ZNF585A: variants seen among roughly 807,000 people sequenced by gnomAD.
The protein encoded by ZNF585A is zinc finger protein 585A.
In ZNF585A, 9 loss-of-function variants were observed where a neutral mutation model predicts 14.9. The ratio of observed to expected loss-of-function variants is 0.60; its 90% CI spans 0.36 to 1.05. ZNF585A has a LOEUF of 1.05. Among genes scored for constraint, ZNF585A ranks in the 50% least tolerant of loss-of-function variants. The pLI is 0.01. For missense variants in ZNF585A, 726 were observed against 926.4 expected (o/e 0.78, Z 2.81); for synonymous variants, 276 against 319.9 (o/e 0.86, Z 1.46).
chr19:37,160,068 C>T (rs1971990064), intron 2 of ZNF585A, among the ~76,000 whole-genome samples: 1 of 152,092 alleles, frequency 6.6e-6, no homozygotes, highest in South Asian at 2.1e-4. Flanking sequence ...CATGGTGGCT[C>T]ACTCCTATAA....
rs775555822 is a variant in ZNF585A, at chr19:37,152,302, G to T, written c.1597C>A (p.Gln533Lys). 5.6e-6 allele frequency: 9 copies of T among 1,613,980 alleles called. No homozygotes were observed. In the South Asian group the frequency reaches 9.9e-5, roughly 18 times the overall value. Residue 533 changes from glutamine (Q) to lysine (K), a missense_variant, in exon 5 of 5, where the codon CAG becomes AAG. This residue lies in a region of ZNF585A where 243 missense variants were observed against 383.6 expected (regional missense o/e 0.63). Coordinates refer to ENST00000292841, the MANE Select transcript of ZNF585A (RefSeq NM_001288800.2). ...ECNTCGKAFT[Q>K]KSHLNIHQKI... ...TGATGTATATTGAGGTGTGACTTCT[G>T]AGTGAAGGCTTTTCCACAAGTATTG...
Position 37,147,767 on chromosome 19 carries a change from T to C in ZNF585A, c.*3822A>G, listed in dbSNP as rs993012147. ...TCTAGTTTTTACACTTATAAATCTTTTATCAAATGTAATTCAAGTTATCAC... is the reference window on the plus strand; with the variant it reads ...TCTAGTTTTTACACTTATAAATCTTCTATCAAATGTAATTCAAGTTATCAC... On this transcript the variant is annotated 3_prime_UTR_variant, in exon 5 of 5. Transcript: ENST00000292841. 2 of 152,212 alleles carry C rather than the reference T, an allele frequency of 1.3e-5. No individual in the cohort carries two copies. The highest frequency in any genetic ancestry group is 4.8e-5 in the African/African-American group (2 of 41,462). 9.4% of individuals were successfully genotyped at this position (152,212 alleles called of 1,614,324 possible). A position where few individuals can be genotyped will look rare whatever the true frequency, so the allele number is the denominator to read the frequency against.
rs1972200077 is a variant in ZNF585A at position 37,172,653 on chromosome 19, T to C, written c.-171A>G. On this transcript the variant is annotated 5_prime_UTR_variant, in exon 1 of 5. Coordinates refer to ENST00000292841, the MANE Select transcript of ZNF585A (RefSeq NM_001288800.2). ...TCAAAGATTTATCGGTATTGGAATA[T>C]GAAAATACTCCTGACACCAGCGGCA... 2 of 152,218 alleles carry C rather than the reference T, an allele frequency of 1.3e-5. No homozygotes were observed. Among genetic ancestry groups the C allele is most frequent in the African/African-American group, 2.4e-5 (1 of 41,452 alleles). The allele number at this position is 152,218 out of a possible 1,614,324, so 9.4% of individuals were successfully genotyped here.
In ZNF585A at chr19:37,156,342, A is replaced by C; in HGVS notation, c.86T>G (p.Phe29Cys). 6.2e-7 allele frequency: 1 copy of C among 1,614,156 alleles called. No individual in the cohort carries two copies. The highest frequency in any genetic ancestry group is 8.5e-7 in the Non-Finnish European group (1 of 1,180,020). The change falls in exon 3 of 5, where the codon TTC (phenylalanine) becomes TGC (cysteine). Residue 29 changes from phenylalanine to cysteine, a missense_variant. Phe to Cys is a radical substitution (Grantham distance 205). This residue lies in a region of ZNF585A where 483 missense variants were observed against 542.8 expected (regional missense o/e 0.89). Transcript: ENST00000292841. ...HGSSYEGSVS[F>C]RDVAIDFSRE... ...GCTGAAATCGATAGCCACATCCCTGAAGGACACTGATCCCTGTAAGGGCAA... is the reference window on the plus strand; with the variant it reads ...GCTGAAATCGATAGCCACATCCCTGCAGGACACTGATCCCTGTAAGGGCAA...
chr19:37,164,939 C>T (rs1972064236), intron 2 of ZNF585A, among the ~76,000 whole-genome samples: 1 of 152,120 alleles, frequency 6.6e-6, no homozygotes, highest in African/African-American at 2.4e-5. Flanking sequence ...TCCCAAAGTG[C>T]TGGAATTACA....
Position 37,152,527 on chromosome 19 carries a change from G to A in ZNF585A, c.1372C>T (p.Arg458Ter), listed in dbSNP as rs765678847. 11 of 1,613,930 alleles carry A rather than the reference G, an allele frequency of 6.8e-6. No individual in the cohort carries two copies. The highest frequency in any genetic ancestry group is 1.7e-5 in the Admixed American group (1 of 59,984). ...TSKSQLHVHK[R>*]IHTGEKPYMC... ...TAGGGCTTTTCTCCTGTGTGAATTCGTTTATGAACATGGAGTTGCGACTTG... is the reference window on the plus strand; with the variant it reads ...TAGGGCTTTTCTCCTGTGTGAATTCATTTATGAACATGGAGTTGCGACTTG... Residue 458 changes from arginine (R) to a stop codon, truncating the protein, a stop_gained, in exon 5 of 5, where the codon CGA (arginine) becomes TGA (stop). Transcript: ENST00000292841. LOFTEE classifies it low-confidence loss of function (END_TRUNC).
rs529134578 is a variant in ZNF585A, at chr19:37,151,965, C to T, written c.1934G>A (p.Gly645Asp). ...CTGGTGCTTACTGAGATTTGACCTG[C>T]CACTAAAGGCCTTCCCGCACTCGGC... ...VCAECGKAFS[G>D]RSNLSKHQKT... Residue 645 changes from glycine to aspartate, a missense_variant, in exon 5 of 5, where the codon GGC becomes GAC. Transcript: ENST00000292841. 9.9e-6 allele frequency: 16 copies of T among 1,613,434 alleles called. No individual in the cohort carries two copies. The Admixed American group carries it at 2.3e-4, about 24-fold the overall frequency.
At chr19:37,170,276 G>A (rs189118968) in intron 1 of ZNF585A, among the ~76,000 whole-genome samples, 1 of 152,272 alleles carries the variant, frequency 6.6e-6, no homozygotes, top group East Asian at 1.9e-4. Flanking sequence ...AACCCAAAAA[G>A]TTTCGTTTCT....
chr19:37,155,879 C>G lies in ZNF585A; in HGVS notation c.278G>C (p.Arg93Pro), dbSNP rs374585649. The change falls in exon 4 of 5, where the codon CGT becomes CCT. Residue 93 changes from arginine (R) to proline (P), a missense_variant. Coordinates refer to ENST00000292841, the MANE Select transcript of ZNF585A (RefSeq NM_001288800.2). ...EPWALQGERPRQSCPGEKLWD... is the reference protein window; with the variant it reads ...EPWALQGERPPQSCPGEKLWD... ...GCTTCACTCACCTGGGCAGCTCTGACGTGGCCTCTCACCCTGCAGTGCCCA... is the reference window on the plus strand; with the variant it reads ...GCTTCACTCACCTGGGCAGCTCTGAGGTGGCCTCTCACCCTGCAGTGCCCA... 6 of 1,612,142 alleles carry G rather than the reference C, an allele frequency of 3.7e-6. No individual in the cohort carries two copies. The highest frequency in any genetic ancestry group is 5.1e-6 in the Non-Finnish European group (6 of 1,180,002).
intron 2 of ZNF585A, among the ~76,000 whole-genome samples, chr19:37,159,723 A>G (rs1027437281): frequency 1.3e-5 from 2 of 152,242 alleles, no homozygotes; most frequent in Non-Finnish European, 2.9e-5. Flanking sequence ...GAATCAAACA[A>G]AAATTAATAA....
chr19:37,164,362 C>A (rs1972055907), intron 2 of ZNF585A, among the ~76,000 whole-genome samples: 1 of 151,698 alleles, frequency 6.6e-6, no homozygotes, highest in Non-Finnish European at 1.5e-5. Flanking sequence ...GAGATTGCAC[C>A]ACTGCACTCC....
chr19:37,171,902 C>CA (rs35616540), intron 1 of ZNF585A, among the ~76,000 whole-genome samples: 5,283 of 132,564 alleles, frequency 0.04, 162 homozygotes, highest in African/African-American at 0.083. Flanking sequence ...GACTCCATCT[C>CA]AAAAAAAAAA....
At chr19:37,156,893 TG>T (rs1971940235) in intron 2 of ZNF585A, among the ~76,000 whole-genome samples, 1 of 152,192 alleles carries the variant, frequency 6.6e-6, no homozygotes, top group South Asian at 2.1e-4. Context: ...GGTTTTGCCA[TG>T]TTGGCCAGGC....
At chr19:37,157,543 TACTTG>T (rs1971950365) in intron 2 of ZNF585A, among the ~76,000 whole-genome samples, 1 of 152,222 alleles carries the variant, frequency 6.6e-6, no homozygotes, top group African/African-American at 2.4e-5. Context: ...AAGTACATTT[TACTTG>T]AGGGAGTAAG....
At chr19:37,171,397 G>T (rs73622789) in intron 1 of ZNF585A, among the ~76,000 whole-genome samples, 2,192 of 152,144 alleles carry the variant, frequency 0.014, 52 homozygotes, top group African/African-American at 0.05. Flanking sequence ...GAAACAAATG[G>T]CAATTAACCA....
intron 4 of ZNF585A, among the ~76,000 whole-genome samples, chr19:37,154,041 A>G (rs1486603456): frequency 6.6e-6 from 1 of 152,200 alleles, no homozygotes. Context: ...CTCAAATGAG[A>G]AACAGGTGAT....
rs1488888513 is a variant in ZNF585A, at chr19:37,151,957, T to C, written c.1942A>G (p.Asn648Asp). Residue 648 changes from asparagine to aspartate, a missense_variant, in exon 5 of 5, where the codon AAT (asparagine) becomes GAT (aspartate). By Grantham distance (23) the Asn-to-Asp change is conservative (BLOSUM62 1). Around this residue, in one of 2 missense-constraint regions of ZNF585A, gnomAD observed 243 missense variants for 383.6 expected, o/e 0.63. Coordinates refer to ENST00000292841, the MANE Select transcript of ZNF585A (RefSeq NM_001288800.2). ...ECGKAFSGRSNLSKHQKTHTG... is the reference protein window; with the variant it reads ...ECGKAFSGRSDLSKHQKTHTG... ...TGAGTTTTCTGGTGCTTACTGAGAT[T>C]TGACCTGCCACTAAAGGCCTTCCCG... 1.7e-5 allele frequency: 27 copies of C among 1,613,938 alleles called. No homozygotes were observed. The highest frequency in any genetic ancestry group is 2.2e-5 in the Non-Finnish European group (26 of 1,180,008).
intron 2 of ZNF585A, among the ~76,000 whole-genome samples, chr19:37,158,050 G>A (rs541788134): frequency 6.6e-6 from 1 of 151,988 alleles, no homozygotes; most frequent in African/African-American, 2.4e-5. Flanking sequence ...ACCACACCAG[G>A]CTAATTTTCG....
At chr19:37,167,589 TTTTTATTTTATTTTATTTTA>T (rs59039152) in intron 2 of ZNF585A, among the ~76,000 whole-genome samples, 14 of 144,162 alleles carry the variant, frequency 9.7e-5, no homozygotes, top group Middle Eastern at 3.6e-3. Context: ...TTACTTTTTA[TTTTTATTTTATTTTATTTTA>T]TTTTATTTTA....
Sources: allele counts gnomAD v4.1 joint callset (sites outside exome capture counted in the v4.1 genomes callset), GRCh38; gene constraint gnomAD v4.1.1; regional missense constraint gnomAD v4.1.1; transcripts MANE v1.5; gene names NCBI Gene and HGNC (gene_info 2026-07-23, HGNC 2026-07-21).